The following TRIML2 variants were observed in gnomAD, a reference collection of about 807,000 sequenced individuals.
The protein encoded by TRIML2 is tripartite motif family like 2.
TRIML2 carries 28 observed loss-of-function variants against 31.2 expected under a neutral mutation model. That is an observed-to-expected ratio of 0.90 (90% CI 0.66 to 1.23). TRIML2 has a LOEUF of 1.23. Ranked by LOEUF, TRIML2 falls within the 50% of genes most tolerant of loss-of-function variation. The probability of loss-of-function intolerance (pLI) is 0.00; values close to 1 mark genes in which losing one functional copy is unlikely to be tolerated. For synonymous variants in TRIML2, 187 were observed against 197.5 expected (o/e 0.95, Z 0.45); for missense variants, 536 against 528.3 (o/e 1.01, Z -0.14).
intron 1 of TRIML2, 82 bp from the exon 2 acceptor site, chr4:188,105,672 C>G (rs978326154): frequency 4.0e-5 from 11 of 271,618 alleles, no homozygotes; most frequent in African/African-American, 2.1e-4. Context: ...GAGCAATAGG[C>G]TGAAAATTAA....
intron 3 of TRIML2, among the ~76,000 whole-genome samples, chr4:188,102,129 TAAAA>T (rs141783514): frequency 9.4e-6 from 1 of 106,298 alleles, no homozygotes. Flanking sequence ...GACTCCATCT[TAAAA>T]AAAAAAAAAA....
intron 7 of TRIML2, 63 bp from the exon 8 acceptor site, chr4:188,092,004 T>G (rs1733285581): frequency 6.6e-7 from 1 of 1,514,544 alleles, no homozygotes; most frequent in Admixed American, 1.8e-5. Flanking sequence ...AGAGACATGA[T>G]TTCTAACACA....
chr4:188,103,341 CG>C (rs546972061), intron 3 of TRIML2, among the ~76,000 whole-genome samples: 8 of 152,126 alleles, frequency 5.3e-5, no homozygotes, highest in Non-Finnish European at 1.2e-4. Flanking sequence ...TGGCAGCTAG[CG>C]TGTTTCTATG....
At chr4:188,099,947 C>T (rs199819013) in intron 4 of TRIML2, among the ~76,000 whole-genome samples, 8 of 120,588 alleles carry the variant, frequency 6.6e-5, no homozygotes, top group East Asian at 8.2e-4. Context: ...ACATATACTG[C>T]GTAGTCACAT....
At chr4:188,107,572 C>A (rs953908568) in intron 1 of TRIML2, among the ~76,000 whole-genome samples, 2 of 152,112 alleles carry the variant, frequency 1.3e-5, no homozygotes, top group Non-Finnish European at 2.9e-5. Context: ...ATTTTGCACT[C>A]CAAGCAACAA....
At chr4:188,101,759 G>A (rs1314532751) in intron 3 of TRIML2, among the ~76,000 whole-genome samples, 1 of 151,962 alleles carries the variant, frequency 6.6e-6, no homozygotes, top group Non-Finnish European at 1.5e-5. Flanking sequence ...TAAACCCAAA[G>A]GAGAAATAGA....
At position 188,091,453 on chromosome 4, in the gene TRIML2, T is replaced by C. The variant is rs749984072; in HGVS notation, c.1234A>G (p.Ile412Val). 4.3e-6 allele frequency: 7 copies of C among 1,614,112 alleles called. No homozygotes were observed. In the South Asian group the frequency reaches 5.5e-5, roughly 13 times the overall value. ...TCTGGACTTGTGTCTCCATTTGGGA[T>C]ACAGAGGGAAAACACAGGCCTGAGA... ...GALRPVFSLC[I>V]PNGDTSPDSL... The change falls in exon 8 of 8, where the codon ATC (isoleucine) becomes GTC (valine). Residue 412 changes from isoleucine to valine, a missense_variant. Physicochemically the swap from Ile to Val is conservative, Grantham distance 29. Coordinates refer to ENST00000682553, the MANE Select transcript of TRIML2 (RefSeq NM_173553.4).
At chr4:188,094,229 G>T (rs558068333) in intron 7 of TRIML2, among the ~76,000 whole-genome samples, 1 of 152,284 alleles carries the variant, frequency 6.6e-6, no homozygotes, top group East Asian at 1.9e-4. Context: ...ATAAGCAAGT[G>T]TCCACTCTCA....
At position 188,091,933 on chromosome 4, in the gene TRIML2, T is replaced by C. The variant is rs747381764; in HGVS notation, c.754A>G (p.Thr252Ala). The C allele has an allele frequency of 6.2e-7, 1 of 1,608,416 alleles. No individual in the cohort carries two copies. Among genetic ancestry groups the C allele is most frequent in the East Asian group, 2.2e-5 (1 of 44,824 alleles). ...SMFRVLQRHL[T>A]LDPETAHPCL... ...GGATGAGCTGTTTCAGGATCCAATGTTAAATGTCCTATCAGGAGAGAAAAC... is the reference window on the plus strand; with the variant it reads ...GGATGAGCTGTTTCAGGATCCAATGCTAAATGTCCTATCAGGAGAGAAAAC... The change falls in exon 8 of 8, where the codon ACA becomes GCA. Residue 252 changes from threonine (T) to alanine (A), a missense_variant. Coordinates refer to ENST00000682553, the MANE Select transcript of TRIML2 (RefSeq NM_173553.4).
At chr4:188,106,310 C>T (rs560091885) in intron 1 of TRIML2, among the ~76,000 whole-genome samples, 1 of 152,312 alleles carries the variant, frequency 6.6e-6, no homozygotes, top group African/African-American at 2.4e-5. Flanking sequence ...CTCGGCCTCC[C>T]AAAGTGCTGG....
Position 188,091,878 on chromosome 4 carries a change from G to A in TRIML2, c.809C>T (p.Thr270Ile), listed in dbSNP as rs376473650. The change falls in exon 8 of 8, where the codon ACT (threonine) becomes ATT (isoleucine). Residue 270 changes from threonine to isoleucine, a missense_variant. Physicochemically the swap from Thr to Ile is moderately conservative, Grantham distance 89 (BLOSUM62 -1). Coordinates refer to ENST00000682553, the MANE Select transcript of TRIML2 (RefSeq NM_173553.4). The part of the protein sequence containing the change: ...PCLALSEDLR[T>I]MRLRHGQQDG... ...CTGCTGCCCATGTCTCAATCTCATA[G>A]TTCTCAGGTCCTCAGATAGTGCCAG... 1.2e-5 allele frequency: 19 copies of A among 1,613,908 alleles called. No homozygotes were observed. Among genetic ancestry groups the A allele is most frequent in the Non-Finnish European group, 1.6e-5 (19 of 1,180,054 alleles).
intron 3 of TRIML2, among the ~76,000 whole-genome samples, chr4:188,104,099 G>T (rs944336250): frequency 6.6e-6 from 1 of 152,050 alleles, no homozygotes; most frequent in Admixed American, 6.6e-5. Flanking sequence ...CTCTTTAAAG[G>T]GTTTTAGAAT....
At chr4:188,108,784 T>C (rs1734136902) in intron 1 of TRIML2, among the ~76,000 whole-genome samples, 1 of 152,212 alleles carries the variant, frequency 6.6e-6, no homozygotes, top group African/African-American at 2.4e-5. Context: ...AAGAGAGACC[T>C]TTCCATCACT....
At chr4:188,109,027 G>A (rs920193599) in intron 1 of TRIML2, among the ~76,000 whole-genome samples, 1 of 152,106 alleles carries the variant, frequency 6.6e-6, no homozygotes, top group Non-Finnish European at 1.5e-5. Context: ...GAGAGGGACA[G>A]AGACTAAATA....
chr4:188,105,151 GT>G (rs1733972165), intron 2 of TRIML2, 28 bp downstream of exon 2: 1 of 1,588,264 alleles, frequency 6.3e-7, no homozygotes, highest in African/African-American at 1.3e-5. Flanking sequence ...TGGCCAGAGT[GT>G]TTTGGGATTT....
rs781309682 is a variant in TRIML2 at position 188,101,088 on chromosome 4, C to T, written c.448G>A (p.Glu150Lys). ...LLNQAIKLAT[E>K]LEEMFQEMLQ... Reference sequence around the variant, plus strand: ...ATTTCCTGGAACATCTCCTCTAGCTCGGTGGCAAGCTTGATCGCTTGATTC... The same window carrying T: ...ATTTCCTGGAACATCTCCTCTAGCTTGGTGGCAAGCTTGATCGCTTGATTC... Residue 150 changes from glutamate (E) to lysine (K), a missense_variant, in exon 4 of 8, where the codon GAG becomes AAG. By Grantham distance (56) the Glu-to-Lys change is moderately conservative. Transcript: ENST00000682553. 5.6e-6 allele frequency: 9 copies of T among 1,613,224 alleles called. No homozygotes were observed. Among genetic ancestry groups the T allele is most frequent in the Admixed American group, 3.3e-5 (2 of 59,908 alleles).
chr4:188,100,653 C>T (rs923030908), intron 4 of TRIML2, among the ~76,000 whole-genome samples: 31 of 151,950 alleles, frequency 2.0e-4, no homozygotes, highest in African/African-American at 7.0e-4. Flanking sequence ...ACCCGGGAGG[C>T]GAAGCTTGCA....
rs529734422 is a variant in TRIML2 at position 188,105,451 on chromosome 4, G to A, written c.-83C>T. ...TGCACTGTGAATGAGAAAAAATGGT[G>A]GCTTCCTTTGTTTTCTGGAGCAGGC... On this transcript the variant is annotated 5_prime_UTR_variant, in exon 2 of 8. Coordinates refer to ENST00000682553, the MANE Select transcript of TRIML2 (RefSeq NM_173553.4). The A allele has an allele frequency of 1.9e-6, 2 of 1,069,134 alleles. No individual in the cohort carries two copies. The highest frequency in any genetic ancestry group is 1.6e-5 in the African/African-American group (1 of 63,772). The allele number at this position is 1,069,134 out of a possible 1,614,324, so 66.2% of individuals were successfully genotyped here.
chr4:188,103,657 C>T lies in TRIML2; in HGVS notation c.285+1180G>A, dbSNP rs183019987. On this transcript the variant is annotated intron_variant, in intron 3 of 7. Coordinates refer to ENST00000682553, the MANE Select transcript of TRIML2 (RefSeq NM_173553.4). ...AAGCTCACTCCATTGCTTCCTTTCT[C>T]ACTTAAAAAAAATTTTTTTAAACAC... Among the ~76,000 whole-genome samples, 865 of 152,150 alleles carry T rather than the reference C, an allele frequency of 5.7e-3. 10 individuals are homozygous for T. The highest frequency in any genetic ancestry group is 0.034 in the Middle Eastern group (10 of 292).
Sources: gnomAD v4.1 joint callset for allele counts (sites outside exome capture counted in the v4.1 genomes callset) on GRCh38, gnomAD v4.1.1 for gene constraint, MANE v1.5 for transcripts, NCBI Gene and HGNC (gene_info 2026-07-23, HGNC 2026-07-21) for gene names.